The following SETDB1 variants were observed in gnomAD, a reference collection of about 807,000 sequenced individuals.
The protein encoded by SETDB1 is histone-lysine N-methyltransferase SETDB1.
In SETDB1, 31 loss-of-function variants were observed where a neutral mutation model predicts 137.4. That is an observed-to-expected ratio of 0.23 (90% confidence interval 0.17 to 0.30). The LOEUF is 0.30. Ranked by LOEUF, SETDB1 falls within the 10% of genes least tolerant of loss-of-function variation. SETDB1 has a pLI of 1.00. For missense variants in SETDB1, 1,113 were observed against 1,631.5 expected, an observed-to-expected ratio of 0.68 and a Z score of 5.47; for synonymous variants, 548 against 579.9, an observed-to-expected ratio of 0.95 and a Z score of 0.79.
chr1:150,960,230 G>A (rs1670779842), intron 15 of SETDB1, among the ~76,000 whole-genome samples: 1 of 151,272 alleles, frequency 6.6e-6, no homozygotes, highest in African/African-American at 2.4e-5. Context: ...TCCCAACACT[G>A]TGGGAGGCTG....
intron 15 of SETDB1, among the ~76,000 whole-genome samples, chr1:150,960,084 CA>C (rs925292466): frequency 1.7e-4 from 22 of 130,558 alleles, no homozygotes; most frequent in African/African-American, 2.8e-4. Flanking sequence ...AAAAACAAAA[CA>C]AAAAAAAAAA....
chr1:150,962,083 T>TA, intron 16 of SETDB1, 47 bp from the exon 17 acceptor site: 2 of 1,612,704 alleles, frequency 1.2e-6, no homozygotes, highest in Non-Finnish European at 1.7e-6. Context: ...TTGGACTTGT[T>TA]ACCCGAGGCT....
intron 3 of SETDB1, among the ~76,000 whole-genome samples, chr1:150,931,961 A>G (rs1669772731): frequency 6.6e-6 from 1 of 151,946 alleles, no homozygotes; most frequent in Admixed American, 6.6e-5. Flanking sequence ...GTCTTTTATC[A>G]TATTAAGAAT....
chr1:150,963,478 T>C, intron 19 of SETDB1, 52 bp from the exon 20 acceptor site: 1 of 1,371,238 alleles, frequency 7.3e-7, no homozygotes, highest in South Asian at 1.3e-5. Flanking sequence ...CATGATAGAA[T>C]GTCTGTTCAT....
chr1:150,941,614 C>T (rs1400962233), intron 5 of SETDB1, among the ~76,000 whole-genome samples, 186 bp downstream of exon 5: 4 of 152,146 alleles, frequency 2.6e-5, no homozygotes, highest in Non-Finnish European at 4.4e-5. Flanking sequence ...ACCTCTTTAG[C>T]GTCCTACATT....
intron 8 of SETDB1, 160 bp downstream of exon 8, chr1:150,944,153 A>G: frequency 1.6e-6 from 1 of 624,310 alleles, no homozygotes; most frequent in South Asian, 2.0e-5. Flanking sequence ...TTTGCTCCCA[A>G]AAGAGATACA....
At chr1:150,949,039 T>C in intron 10 of SETDB1, 83 bp from the exon 11 acceptor site, 1 of 1,341,304 alleles carries the variant, frequency 7.5e-7, no homozygotes, top group Non-Finnish European at 1.0e-6. Context: ...TTTTATATTG[T>C]ATAAGTTAAG....
At chr1:150,956,199 A>G (rs1670635867) in intron 14 of SETDB1, among the ~76,000 whole-genome samples, 1 of 151,860 alleles carries the variant, frequency 6.6e-6, no homozygotes, top group Admixed American at 6.6e-5. Context: ...CAGCCTGGCC[A>G]AGATGTTGAA....
chr1:150,926,897 T>C (rs587767321), intron 1 of SETDB1: 7 of 516,172 alleles, frequency 1.4e-5, no homozygotes, highest in Non-Finnish European at 2.4e-5. Context: ...TTGAATATCA[T>C]AGACTTTTTA....
intron 16 of SETDB1, 85 bp from the exon 17 acceptor site, chr1:150,962,045 T>C: frequency 6.7e-7 from 1 of 1,496,822 alleles, no homozygotes; most frequent in Non-Finnish European, 9.3e-7. Flanking sequence ...GCTGATGTTA[T>C]CTGTGGAGGT....
chr1:150,933,167 C>G (rs886080913), intron 3 of SETDB1, among the ~76,000 whole-genome samples: 1 of 151,958 alleles, frequency 6.6e-6, no homozygotes, highest in Non-Finnish European at 1.5e-5. Context: ...TCAAGTGATC[C>G]TCCCACGTCA....
At chr1:150,936,723 T>C (rs1217316234) in intron 3 of SETDB1, among the ~76,000 whole-genome samples, 1 of 152,120 alleles carries the variant, frequency 6.6e-6, no homozygotes, top group Non-Finnish European at 1.5e-5. Context: ...TCTCACTCTG[T>C]AACCCAGGCT....
At chr1:150,933,160 A>G (rs1332956437) in intron 3 of SETDB1, among the ~76,000 whole-genome samples, 1 of 151,996 alleles carries the variant, frequency 6.6e-6, no homozygotes, top group Non-Finnish European at 1.5e-5. Flanking sequence ...CCTGGGCTCA[A>G]GTGATCCTCC....
intron 17 of SETDB1, among the ~76,000 whole-genome samples, 199 bp downstream of exon 17, chr1:150,962,357 C>T (rs1225539210): frequency 5.9e-5 from 9 of 152,190 alleles, no homozygotes; most frequent in African/African-American, 1.9e-4. Context: ...TTTGTAGACA[C>T]GGGGTTTCAC....
In SETDB1 at chr1:150,944,010, T is replaced by C; in HGVS notation, c.949+17T>C. 5 of 1,562,936 alleles carry C rather than the reference T, an allele frequency of 3.2e-6. No individual in the cohort carries two copies. Among genetic ancestry groups the C allele is most frequent in the Non-Finnish European group, 4.4e-6 (5 of 1,133,458 alleles). On this transcript the variant is annotated intron_variant, in intron 8 of 21. Coordinates refer to ENST00000692827, the MANE Select transcript of SETDB1 (RefSeq NM_001366418.1). ...GCCGGCCACGTGAGTGTTTCTCCCTTATTCCTTAGCTCAGTTTTCTCCTCT... is the reference window on the plus strand; with the variant it reads ...GCCGGCCACGTGAGTGTTTCTCCCTCATTCCTTAGCTCAGTTTTCTCCTCT...
intron 14 of SETDB1, among the ~76,000 whole-genome samples, chr1:150,957,033 C>A (rs1426338370): frequency 6.6e-6 from 1 of 151,804 alleles, no homozygotes; most frequent in Non-Finnish European, 1.5e-5. Context: ...AGGAGGATCA[C>A]TTGAGCCCAG....
At chr1:150,953,061 A>G (rs1202490857) in intron 14 of SETDB1, among the ~76,000 whole-genome samples, 2 of 152,208 alleles carry the variant, frequency 1.3e-5, no homozygotes, top group African/African-American at 4.8e-5. Flanking sequence ...ATAATAGAGA[A>G]GGCGGCTCAG....
rs1025964977 is a variant in SETDB1 at position 150,926,432 on chromosome 1, C to T, written c.-97C>T. 1.8e-5 allele frequency: 5 copies of T among 282,058 alleles called. No individual in the cohort carries two copies. The highest frequency in any genetic ancestry group is 3.4e-5 in the Non-Finnish European group (5 of 145,206). The allele number at this position is 282,058 out of a possible 1,614,324, so 17.5% of individuals were successfully genotyped here. A position where few individuals can be genotyped will look rare whatever the true frequency, so the allele number is the denominator to read the frequency against. ...CCCTCCTCCCTTATCCCTTCGCTTTCGCTCTTTTCCGTCGAGGCCGACCCC... is the reference window on the plus strand; with the variant it reads ...CCCTCCTCCCTTATCCCTTCGCTTTTGCTCTTTTCCGTCGAGGCCGACCCC... On this transcript the variant is annotated 5_prime_UTR_variant, in exon 1 of 22. Transcript: ENST00000692827.
intron 3 of SETDB1, among the ~76,000 whole-genome samples, chr1:150,932,538 C>G (rs893286537): frequency 6.6e-6 from 1 of 152,116 alleles, no homozygotes; most frequent in African/African-American, 2.4e-5. Context: ...ATATATCCCT[C>G]ATCTAGTACA....
Sources: gnomAD v4.1 joint callset for allele counts (sites outside exome capture counted in the v4.1 genomes callset) on GRCh38, gnomAD v4.1.1 for gene constraint, MANE v1.5 for transcripts, NCBI Gene and HGNC (gene_info 2026-07-23, HGNC 2026-07-21) for gene names.